RTF1: variants seen among roughly 807,000 people sequenced by gnomAD.
RTF1 encodes RTF1 homolog, Paf1/RNA polymerase II complex component, also known as RNA polymerase-associated protein RTF1 homolog.
Under a neutral mutation model 95.7 loss-of-function variants are expected in RTF1, and 10 were observed. The observed-to-expected ratio is 0.10, with a 90% CI of 0.06 to 0.18. RTF1 has a LOEUF of 0.18. Among genes scored for constraint, RTF1 ranks in the 10% least tolerant of loss-of-function variants. The probability of loss-of-function intolerance (pLI) is 1.00; values close to 1 mark genes in which losing one functional copy is unlikely to be tolerated. For missense variants in RTF1, 458 were observed against 875.6 expected (o/e 0.52, Z 6.02); for synonymous variants, 305 against 311.8 (o/e 0.98, Z 0.23).
intron 2 of RTF1, among the ~76,000 whole-genome samples, chr15:41,451,507 T>G (rs1338256867): frequency 6.6e-6 from 1 of 152,210 alleles, no homozygotes; most frequent in Non-Finnish European, 1.5e-5. Context: ...ACAGTGCAAA[T>G]TACAGGTTCC....
At position 41,432,702 on chromosome 15, in the gene RTF1, G is replaced by T. The variant is rs187783273; in HGVS notation, c.199-5619G>T. Among the ~76,000 whole-genome samples, 291 of 152,038 alleles carry T rather than the reference G, an allele frequency of 1.9e-3. 1 individual carries two copies. The highest frequency in any genetic ancestry group is 6.8e-3 in the African/African-American group (283 of 41,492). ...ACCTGTAATCCCAGCACTTTGGGAG[G>T]CCAAGGCGGCGGCTCACCTGAGATC... On this transcript the variant is annotated intron_variant, in intron 1 of 17. Transcript: ENST00000389629.
chr15:41,481,433 A>C lies in RTF1; in HGVS notation c.*746A>C, dbSNP rs1354253589. On this transcript the variant is annotated 3_prime_UTR_variant, in exon 18 of 18. Transcript: ENST00000389629. ...GCAAGAAAGAAACTCATTAAATGTGATTCTTCTTACTAAACAGGCCTGACT... is the reference window on the plus strand; with the variant it reads ...GCAAGAAAGAAACTCATTAAATGTGCTTCTTCTTACTAAACAGGCCTGACT... 1 of 152,538 alleles carries C rather than the reference A, an allele frequency of 6.6e-6. No homozygotes were observed. Among genetic ancestry groups the C allele is most frequent in the Non-Finnish European group, 1.5e-5 (1 of 68,020 alleles). 9.4% of individuals were successfully genotyped at this position (152,538 alleles called of 1,614,324 possible). A position where few individuals can be genotyped will look rare whatever the true frequency, so the allele number is the denominator to read the frequency against.
chr15:41,444,419 G>C (rs1251891893), intron 2 of RTF1, among the ~76,000 whole-genome samples: 3 of 151,316 alleles, frequency 2.0e-5, no homozygotes, highest in Non-Finnish European at 4.4e-5. Context: ...TCAGCCTCTC[G>C]AGTAGCTGGG....
At chr15:41,440,918 T>C (rs959675479) in intron 2 of RTF1, among the ~76,000 whole-genome samples, 1 of 151,822 alleles carries the variant, frequency 6.6e-6, no homozygotes, top group Non-Finnish European at 1.5e-5. Flanking sequence ...TTTAAATGCC[T>C]AGACAATACA....
intron 5 of RTF1, 45 bp downstream of exon 5, chr15:41,464,930 TTGA>T: frequency 7.0e-7 from 1 of 1,424,366 alleles, no homozygotes; most frequent in Non-Finnish European, 9.1e-7. Context: ...TAAACCTGTT[TTGA>T]GTGTGTGTGT....
chr15:41,470,658 T>TC (rs2050906090), intron 7 of RTF1, among the ~76,000 whole-genome samples: 3 of 130,712 alleles, frequency 2.3e-5, no homozygotes, highest in East Asian at 4.3e-4. Flanking sequence ...TTCTTTTTTT[T>TC]TTTTTTTTTT....
chr15:41,424,494 A>C (rs2050618835), intron 1 of RTF1, among the ~76,000 whole-genome samples: 1 of 152,238 alleles, frequency 6.6e-6, no homozygotes, highest in African/African-American at 2.4e-5. Context: ...AGAATAGTAC[A>C]AATGAAACTG....
intron 1 of RTF1, among the ~76,000 whole-genome samples, chr15:41,435,935 G>A (rs1223448184): frequency 1.3e-5 from 2 of 152,088 alleles, no homozygotes; most frequent in African/African-American, 4.8e-5. Flanking sequence ...TCTGTCTGCC[G>A]AGGTTTGAAT....
Position 41,417,196 on chromosome 15 carries a change from G to C in RTF1, c.81G>C (p.Gly27=). Reference sequence around the variant, plus strand: ...TCCCACTGGCAGGCGGGCAAGAGGGGAGTCCGGGCGGCGGCCGGCGTGGGA... The same window carrying C: ...TCCCACTGGCAGGCGGGCAAGAGGGCAGTCCGGGCGGCGGCCGGCGTGGGA... ...VAVPLAGGQE[G]SPGGGRRGSR... is the part of the protein sequence containing the mutation. Residue 27 remains glycine (G), a synonymous_variant, in exon 1 of 18, where the codon GGG becomes GGC. Transcript: ENST00000389629. The C allele has an allele frequency of 7.9e-7, 1 of 1,264,214 alleles. No homozygotes were observed. Among genetic ancestry groups the C allele is most frequent in the Non-Finnish European group, 1.0e-6 (1 of 1,000,038 alleles). The allele number at this position is 1,264,214 out of a possible 1,614,324, so 78.3% of individuals were successfully genotyped here. A position where few individuals can be genotyped will look rare whatever the true frequency, so the allele number is the denominator to read the frequency against.
chr15:41,459,375 CA>C (rs1441711722), intron 4 of RTF1, among the ~76,000 whole-genome samples: 2 of 150,312 alleles, frequency 1.3e-5, no homozygotes, highest in Non-Finnish European at 3.0e-5. Flanking sequence ...GACCCTGTGT[CA>C]AAAAAAAGGG....
intron 5 of RTF1, among the ~76,000 whole-genome samples, chr15:41,465,101 C>A (rs1001433751): frequency 6.6e-6 from 1 of 151,884 alleles, no homozygotes; most frequent in African/African-American, 2.4e-5. Context: ...TTTTCCTTTT[C>A]TTTTTTCTTT....
rs1425907538 is a variant in RTF1 at position 41,474,563 on chromosome 15, T to C, written c.1204-57T>C. The C allele has an allele frequency of 9.2e-6, 11 of 1,200,132 alleles. No individual in the cohort carries two copies. In the South Asian group the frequency reaches 9.7e-5, roughly 11 times the overall value. The allele number at this position is 1,200,132 out of a possible 1,614,324, so 74.3% of individuals were successfully genotyped here. Reference sequence around the variant, plus strand: ...GGTAGAGAGACGCAAAGGAAGAGTGTTGTGGAAAGCTCCGGAAGAGTCTGG... The same window carrying C: ...GGTAGAGAGACGCAAAGGAAGAGTGCTGTGGAAAGCTCCGGAAGAGTCTGG... On this transcript the variant is annotated intron_variant, in intron 8 of 17. Coordinates refer to ENST00000389629, the MANE Select transcript of RTF1 (RefSeq NM_015138.5).
chr15:41,422,054 A>G (rs1373849799), intron 1 of RTF1, among the ~76,000 whole-genome samples: 3 of 151,900 alleles, frequency 2.0e-5, no homozygotes, highest in African/African-American at 7.3e-5. Flanking sequence ...TTTATTTTTG[A>G]GATGGAGTCT....
chr15:41,441,060 C>T (rs1329319519), intron 2 of RTF1, among the ~76,000 whole-genome samples: 1 of 151,038 alleles, frequency 6.6e-6, no homozygotes, highest in African/African-American at 2.4e-5. Context: ...CAAGCTCCGC[C>T]TCCTGGGCTC....
At chr15:41,446,366 C>T (rs1399777671) in intron 2 of RTF1, among the ~76,000 whole-genome samples, 2 of 151,836 alleles carry the variant, frequency 1.3e-5, no homozygotes, top group Non-Finnish European at 2.9e-5. Flanking sequence ...GTCAGGAGAT[C>T]GAGACCATCC....
intron 16 of RTF1, 22 bp downstream of exon 16, chr15:41,479,220 T>C: frequency 1.9e-6 from 3 of 1,539,206 alleles, no homozygotes; most frequent in Non-Finnish European, 2.7e-6. Flanking sequence ...ACCACCCTGT[T>C]GCCTGCTGAG....
chr15:41,465,299 AGAC>A (rs2140964419), intron 5 of RTF1, among the ~76,000 whole-genome samples: 1 of 152,118 alleles, frequency 6.6e-6, no homozygotes, highest in East Asian at 1.9e-4. Context: ...TGAGTTGCTG[AGAC>A]TACAGGCATA....
At chr15:41,476,424 T>C (rs1354939251) in intron 11 of RTF1, 22 bp from the exon 12 acceptor site, 4 of 1,603,250 alleles carry the variant, frequency 2.5e-6, no homozygotes, top group Non-Finnish European at 3.4e-6. Context: ...ACCTCACTGC[T>C]GGTATCTCCT....
chr15:41,437,521 C>G (rs1054693189), intron 1 of RTF1, among the ~76,000 whole-genome samples: 1 of 151,980 alleles, frequency 6.6e-6, no homozygotes, highest in East Asian at 1.9e-4. Context: ...AGAAAAGTAT[C>G]TGGCATCTAG....
Sources: gnomAD v4.1 joint callset for allele counts (sites outside exome capture counted in the v4.1 genomes callset) on GRCh38, gnomAD v4.1.1 for gene constraint, MANE v1.5 for transcripts, NCBI Gene and HGNC (gene_info 2026-07-23, HGNC 2026-07-21) for gene names.